CCDC138: variants seen among roughly 807,000 people sequenced by gnomAD.
CCDC138 encodes the protein coiled-coil domain-containing protein 138.
In CCDC138, 66 loss-of-function variants were observed where a neutral mutation model predicts 82.3. The observed-to-expected ratio is 0.80, with a 90% CI of 0.66 to 0.98. The LOEUF is 0.98. CCDC138 is among the 50% of genes least tolerant of loss of function. The pLI, the probability that CCDC138 is intolerant of heterozygous loss-of-function variation, is 0.00. For synonymous variants in CCDC138, 297 were observed against 265.4 expected, an observed-to-expected ratio of 1.12 and a Z score of -1.16; for missense variants, 816 against 758.9, an observed-to-expected ratio of 1.08 and a Z score of -0.88.
At chr2:108,797,962 AT>A (rs11289218) in intron 5 of CCDC138, among the ~76,000 whole-genome samples, 111,130 of 141,158 alleles carry the variant, frequency 0.79, 43,770 homozygotes, top group East Asian at 0.94. Context: ...ACGGTGTGTG[AT>A]TTTTTTTTTT....
chr2:108,816,873 T>G (rs182177307), intron 10 of CCDC138, among the ~76,000 whole-genome samples: 1 of 152,106 alleles, frequency 6.6e-6, no homozygotes, highest in African/African-American at 2.4e-5. Context: ...TTAAAAAAAA[T>G]TTTTGTAGAG....
At chr2:108,798,714 C>T (rs1681342283) in intron 6 of CCDC138, 128 bp downstream of exon 6, 1 of 264,478 alleles carries the variant, frequency 3.8e-6, no homozygotes, top group Non-Finnish European at 7.9e-6. Context: ...CGCCTACACA[C>T]ACACACACAC....
chr2:108,800,932 C>A (rs1681849214), intron 6 of CCDC138, among the ~76,000 whole-genome samples: 1 of 114,892 alleles, frequency 8.7e-6, no homozygotes, highest in South Asian at 3.2e-4. Context: ...CCAGTTTCAT[C>A]CATGTCCCTA....
At chr2:108,822,630 CA>C (rs1685907589) in intron 10 of CCDC138, among the ~76,000 whole-genome samples, 1 of 152,120 alleles carries the variant, frequency 6.6e-6, no homozygotes, top group Non-Finnish European at 1.5e-5. Flanking sequence ...AGTGAAACCT[CA>C]AACCAAGGAA....
chr2:108,795,136 T>C (rs545928211), intron 5 of CCDC138, among the ~76,000 whole-genome samples: 1 of 151,016 alleles, frequency 6.6e-6, no homozygotes, highest in South Asian at 2.1e-4. Context: ...TCGGGTTTTT[T>C]GTTTCTAAAG....
intron 12 of CCDC138, among the ~76,000 whole-genome samples, chr2:108,855,081 C>A (rs1417055649): frequency 6.6e-6 from 1 of 152,004 alleles, no homozygotes; most frequent in East Asian, 1.9e-4. Flanking sequence ...AAGAAACCAA[C>A]TTTGATATAA....
chr2:108,872,656 C>T (rs1695457425), intron 13 of CCDC138, among the ~76,000 whole-genome samples: 1 of 152,068 alleles, frequency 6.6e-6, no homozygotes, highest in South Asian at 2.1e-4. Flanking sequence ...TGGCAGAGGA[C>T]AAGAGGGCAA....
At chr2:108,823,498 T>C (rs1686057861) in intron 10 of CCDC138, among the ~76,000 whole-genome samples, 1 of 152,206 alleles carries the variant, frequency 6.6e-6, no homozygotes. Flanking sequence ...GTAGAGTGTA[T>C]TTACATAACC....
intron 6 of CCDC138, among the ~76,000 whole-genome samples, chr2:108,799,712 A>C (rs916637614): frequency 6.6e-6 from 1 of 152,114 alleles, no homozygotes; most frequent in Non-Finnish European, 1.5e-5. Context: ...TATTTCATCA[A>C]ATATTTTTTC....
chr2:108,827,808 TATGTCTAAAAAAAA>T (rs760398375), intron 10 of CCDC138, among the ~76,000 whole-genome samples: 16 of 116,026 alleles, frequency 1.4e-4, no homozygotes, highest in African/African-American at 5.0e-4. Context: ...AGAGAGAGAA[TATGTCTAAAAAAAA>T]AAAAAAAAAA....
Position 108,849,085 on chromosome 2 carries a change from A to G in CCDC138, c.1516+2155A>G, listed in dbSNP as rs181242404. ...GCAAATGAAAAACCCAGTGCCTGAA[A>G]TTTAAAAATACACTGGAGAGAATTA... On this transcript the variant is annotated intron_variant, in intron 12 of 14. Coordinates refer to ENST00000295124, the MANE Select transcript of CCDC138 (RefSeq NM_144978.3). Among the ~76,000 whole-genome samples the G allele has an allele frequency of 2.0e-5, 3 of 152,316 alleles. No homozygotes were observed. In the East Asian group the frequency reaches 5.8e-4, roughly 29 times the overall value.
At position 108,856,911 on chromosome 2, in the gene CCDC138, C is replaced by T. The variant is rs1346834220; in HGVS notation, c.1634C>T (p.Ser545Phe). The T allele has an allele frequency of 6.2e-7, 1 of 1,612,950 alleles. No individual in the cohort carries two copies. The highest frequency in any genetic ancestry group is 8.5e-7 in the Non-Finnish European group (1 of 1,179,544). Residue 545 changes from serine to phenylalanine, a missense_variant, in exon 13 of 15, where the codon TCC becomes TTC. Transcript: ENST00000295124. ...GTAATATTAAGTCATCTAAGAATAT[C>T]CAGTAAAGGACTCCTGTCTAATGTT... The part of the protein sequence containing the change: ...VPVILSHLRI[S>F]SKGLLSNVID...
At chr2:108,869,362 C>T (rs972061896) in intron 13 of CCDC138, among the ~76,000 whole-genome samples, 1 of 152,172 alleles carries the variant, frequency 6.6e-6, no homozygotes, top group African/African-American at 2.4e-5. Context: ...GTTCTCCATT[C>T]CCTTCCTCAG....
In CCDC138 at chr2:108,793,604, G is replaced by GT. The variant is rs1042573468; in HGVS notation, c.395-926dup. 1.9e-3 allele frequency among the ~76,000 whole-genome samples: 279 copies of GT among 145,508 alleles called. 3 individuals carry two copies. The highest frequency in any genetic ancestry group is 0.01 in the South Asian group (45 of 4,498). ...AGGAAACTTTTTTTTGTTTTGTTTT[G>GT]TTTTTTTTTTGAGATGGAGTCTCGC... On this transcript the variant is annotated intron_variant, in intron 4 of 14. Transcript: ENST00000295124.
Position 108,788,938 on chromosome 2 carries a change from A to C in CCDC138, c.238A>C (p.Ser80Arg), listed in dbSNP as rs753008334. 145 of 1,613,978 alleles carry C rather than the reference A, an allele frequency of 9.0e-5. No homozygotes were observed. Among genetic ancestry groups the C allele is most frequent in the Non-Finnish European group, 1.2e-4 (142 of 1,179,980 alleles). The stretch of plus-strand genomic sequence containing the variant: ...CAAGCATTGTAGAACACCATTGGGC[A>C]GCTTATTCAAGCACGTAAATGTGAA... ...ESKHCRTPLGSLFKHVNVNCL... is the reference protein window; with the variant it reads ...ESKHCRTPLGRLFKHVNVNCL... Residue 80 changes from serine (S) to arginine (R), a missense_variant, in exon 3 of 15, where the codon AGC (serine) becomes CGC (arginine). Ser to Arg is a moderately radical substitution (Grantham distance 110, BLOSUM62 -1). Transcript: ENST00000295124.
chr2:108,817,259 A>C (rs937826572), intron 10 of CCDC138, among the ~76,000 whole-genome samples: 3 of 151,994 alleles, frequency 2.0e-5, no homozygotes, highest in African/African-American at 7.2e-5. Flanking sequence ...GAAGATGGAG[A>C]AAGAGGGCCA....
chr2:108,797,365 A>C (rs1191259959), intron 5 of CCDC138, among the ~76,000 whole-genome samples: 2 of 152,228 alleles, frequency 1.3e-5, no homozygotes, highest in Non-Finnish European at 2.9e-5. Context: ...GCAGTATAAA[A>C]TGCTATTGAG....
intron 10 of CCDC138, among the ~76,000 whole-genome samples, chr2:108,836,477 ATCCTT>A (rs1203882586): frequency 6.6e-6 from 1 of 152,218 alleles, no homozygotes; most frequent in African/African-American, 2.4e-5. Flanking sequence ...ACTTGCAAAT[ATCCTT>A]TCAAGACCCT....
chr2:108,880,098 A>T (rs943174806), downstream of CCDC138, among the ~76,000 whole-genome samples: 1 of 152,162 alleles, frequency 6.6e-6, no homozygotes, highest in African/African-American at 2.4e-5. Context: ...TAAAAAACAG[A>T]AATCAATGAA....
Sources: allele counts gnomAD v4.1 joint callset (sites outside exome capture counted in the v4.1 genomes callset), GRCh38; gene constraint gnomAD v4.1.1; transcripts MANE v1.5; gene names NCBI Gene and HGNC (gene_info 2026-07-23, HGNC 2026-07-21).